The following GRM5 variants were observed in gnomAD, a reference collection of about 807,000 sequenced individuals.
The protein encoded by GRM5 is glutamate metabotropic receptor 5, also known as metabotropic glutamate receptor 5.
GRM5 carries 19 observed loss-of-function variants against 83.1 expected under a neutral mutation model. The ratio of observed to expected loss-of-function variants is 0.23; its 90% CI spans 0.16 to 0.34. The LOEUF (loss-of-function observed/expected upper bound fraction) is 0.34, where lower values mean the gene tolerates loss of function less well. Among genes scored for constraint, GRM5 ranks in the 10% least tolerant of loss-of-function variants. The pLI, the probability that GRM5 is intolerant of heterozygous loss-of-function variation, is 1.00. For synonymous variants in GRM5, 675 were observed against 633.6 expected (o/e 1.07, Z -0.98); for missense variants, 1,160 against 1,588.3 (o/e 0.73, Z 4.58).
chr11:88,939,780 G>A (rs904221538), intron 2 of GRM5, among the ~76,000 whole-genome samples: 1 of 151,762 alleles, frequency 6.6e-6, no homozygotes, highest in African/African-American at 2.4e-5. Flanking sequence ...AAAAGGGAAA[G>A]AAGTACCTGA....
intron 2 of GRM5, among the ~76,000 whole-genome samples, chr11:88,988,482 A>C (rs1471027103): frequency 1.3e-5 from 2 of 152,202 alleles, no homozygotes; most frequent in Non-Finnish European, 2.9e-5. Context: ...AAGGCAGGCC[A>C]ACATTCAGAC....
Position 88,925,720 on chromosome 11 carries a change from T to C in GRM5, c.662-75565A>G, listed in dbSNP as rs1403171000. 6.6e-6 allele frequency: 3 copies of C among 453,356 alleles called. No individual in the cohort carries two copies. In the Admixed American group the frequency reaches 7.1e-5, roughly 11 times the overall value. The allele number at this position is 453,356 out of a possible 1,614,324, so 28.1% of individuals were successfully genotyped here. ...TGAGGCCAAGAGTTGAAGACCAGCC[T>C]GGCCAAGATGACAAAACCACAACTC... On this transcript the variant is annotated intron_variant, in intron 2 of 9. Transcript: ENST00000305447.
Position 88,601,152 on chromosome 11 carries a change from C to G in GRM5, c.1394+3566G>C, listed in dbSNP as rs530233487. ...TGTCCTTGCCCTGTTATTTAATTGA[C>G]TATGCAACCTTGGACATGTCTCTTT... On this transcript the variant is annotated intron_variant, in intron 5 of 9. Transcript: ENST00000305447. Among the ~76,000 whole-genome samples the G allele has an allele frequency of 7.9e-5, 12 of 152,306 alleles. No homozygotes were observed. The East Asian group carries it at 2.3e-3, about 29-fold the overall frequency.
At chr11:88,951,620 A>C (rs1488089617) in intron 2 of GRM5, among the ~76,000 whole-genome samples, 1 of 152,256 alleles carries the variant, frequency 6.6e-6, no homozygotes, top group Non-Finnish European at 1.5e-5. Flanking sequence ...GTTCAGAGAA[A>C]TATTGTCTAT....
At chr11:89,006,924 A>T (rs965075429) in intron 2 of GRM5, among the ~76,000 whole-genome samples, 2 of 152,128 alleles carry the variant, frequency 1.3e-5, no homozygotes, top group African/African-American at 4.8e-5. Context: ...AAGCCTCCTG[A>T]GTAGCTGGGA....
At chr11:88,570,608 C>G (rs1285509089) in intron 7 of GRM5, among the ~76,000 whole-genome samples, 1 of 96,304 alleles carries the variant, frequency 1.0e-5, no homozygotes. Flanking sequence ...GAGACATAGT[C>G]GCCCTTTGTC....
At chr11:88,764,738 CTT>C (rs1942595027) in intron 3 of GRM5, among the ~76,000 whole-genome samples, 1 of 151,348 alleles carries the variant, frequency 6.6e-6, no homozygotes, top group Admixed American at 6.6e-5. Flanking sequence ...GCTATAAACA[CTT>C]ATATTAAAAA....
chr11:89,015,138 G>A (rs533895864), intron 2 of GRM5, among the ~76,000 whole-genome samples: 7 of 152,262 alleles, frequency 4.6e-5, no homozygotes, highest in African/African-American at 7.2e-5. Context: ...ACTTGGACTC[G>A]TCACTTAGCC....
intron 3 of GRM5, among the ~76,000 whole-genome samples, chr11:88,789,763 C>A (rs10831437): frequency 6.6e-6 from 1 of 152,242 alleles, no homozygotes; most frequent in African/African-American, 2.4e-5. Context: ...CTTATTCTTA[C>A]GGTAAATTAT....
At chr11:88,794,857 G>A (rs1311727072) in intron 3 of GRM5, among the ~76,000 whole-genome samples, 1 of 152,192 alleles carries the variant, frequency 6.6e-6, no homozygotes, top group Non-Finnish European at 1.5e-5. Flanking sequence ...GCTACACATA[G>A]CATCCAATGT....
chr11:89,027,536 T>G (rs1268750018), intron 2 of GRM5, among the ~76,000 whole-genome samples: 1 of 152,222 alleles, frequency 6.6e-6, no homozygotes, highest in Non-Finnish European at 1.5e-5. Flanking sequence ...AGCTTCTGAT[T>G]TTCACACTTC....
chr11:88,635,318 C>T (rs964820236), intron 4 of GRM5, among the ~76,000 whole-genome samples: 1 of 152,142 alleles, frequency 6.6e-6, no homozygotes, highest in Non-Finnish European at 1.5e-5. Context: ...TTTCTCTACA[C>T]CCTTGCCAAC....
intron 2 of GRM5, among the ~76,000 whole-genome samples, chr11:89,002,278 A>G (rs1940405886): frequency 6.6e-6 from 1 of 152,196 alleles, no homozygotes; most frequent in Admixed American, 6.5e-5. Flanking sequence ...TGCTTTTATT[A>G]AAATGTGTAA....
At chr11:88,917,975 C>A (rs1170016643) in intron 2 of GRM5, among the ~76,000 whole-genome samples, 1 of 151,700 alleles carries the variant, frequency 6.6e-6, no homozygotes, top group African/African-American at 2.4e-5. Flanking sequence ...TTAAGTACAA[C>A]AAGGTTATAG....
chr11:88,927,016 T>C (rs1371227299), intron 2 of GRM5, among the ~76,000 whole-genome samples: 7 of 152,322 alleles, frequency 4.6e-5, no homozygotes, highest in Admixed American at 1.3e-4. Context: ...ATGACCAATT[T>C]CTTTTCTTGT....
intron 8 of GRM5, among the ~76,000 whole-genome samples, chr11:88,537,101 T>C (rs1366713893): frequency 6.6e-6 from 1 of 152,166 alleles, no homozygotes; most frequent in Non-Finnish European, 1.5e-5. Context: ...TTTTCTTTAT[T>C]TCATGCTTAA....
chr11:88,891,744 A>T (rs1349039332), intron 2 of GRM5, among the ~76,000 whole-genome samples: 3 of 152,056 alleles, frequency 2.0e-5, no homozygotes, highest in African/African-American at 7.2e-5. Flanking sequence ...TCCTTCTCAA[A>T]AGATGGGATA....
chr11:88,660,849 T>C (rs1367679437), intron 3 of GRM5, among the ~76,000 whole-genome samples: 2 of 152,182 alleles, frequency 1.3e-5, no homozygotes, highest in Non-Finnish European at 2.9e-5. Flanking sequence ...ACTTCTCACA[T>C]GTTTTCTGAT....
At chr11:88,604,621 C>A (rs887469565) in intron 5 of GRM5, 97 bp downstream of exon 5, 8 of 1,014,430 alleles carry the variant, frequency 7.9e-6, no homozygotes, top group Non-Finnish European at 1.2e-5. Context: ...TACCAGGAAA[C>A]CTAGATTAAC....
Sources: gnomAD v4.1 joint callset for allele counts (sites outside exome capture counted in the v4.1 genomes callset) on GRCh38, gnomAD v4.1.1 for gene constraint, MANE v1.5 for transcripts, NCBI Gene and HGNC (gene_info 2026-07-23, HGNC 2026-07-21) for gene names.